LGSN: variants seen among roughly 807,000 people sequenced by gnomAD.
LGSN encodes the protein lengsin, lens protein with glutamine synthetase domain.
In LGSN, 21 loss-of-function variants were observed where a neutral mutation model predicts 19.5. That is an observed-to-expected ratio of 1.07 (90% confidence interval 0.76 to 1.55). The LOEUF is 1.55. Ranked by LOEUF, LGSN falls within the 40% of genes most tolerant of loss-of-function variation. The pLI is 0.00. For missense variants in LGSN, 673 were observed against 608.5 expected, an observed-to-expected ratio of 1.11 and a Z score of -1.12; for synonymous variants, 257 against 215.6, an observed-to-expected ratio of 1.19 and a Z score of -1.68.
the LGSN span, among the ~76,000 whole-genome samples, chr6:63,429,892 T>C: frequency 6.6e-6 from 1 of 152,292 alleles, no homozygotes; most frequent in South Asian, 2.1e-4. Context: ...GATTGCAATA[T>C]AGTTGCTGTT....
the LGSN span, among the ~76,000 whole-genome samples, chr6:63,470,574 G>A: frequency 5.3e-5 from 8 of 152,006 alleles, no homozygotes; most frequent in South Asian, 4.2e-4. Context: ...AAAAATTAAT[G>A]TGTAATGATT....
At chr6:63,453,739 C>T in the LGSN span, among the ~76,000 whole-genome samples, 3 of 152,022 alleles carry the variant, frequency 2.0e-5, no homozygotes, top group South Asian at 4.1e-4. Context: ...CTGCAAGCTC[C>T]GCCTCCCGGG....
chr6:63,280,042 T>A lies in LGSN; in HGVS notation c.1509A>T (p.Lys503Asn). 1 of 1,606,642 alleles carries A rather than the reference T, an allele frequency of 6.2e-7. No individual in the cohort carries two copies. The highest frequency in any genetic ancestry group is 8.5e-7 in the Non-Finnish European group (1 of 1,176,746). The change falls in exon 4 of 4, where the codon AAA becomes AAT. Residue 503 changes from lysine to asparagine, a missense_variant. Physicochemically the swap from Lys to Asn is moderately conservative, Grantham distance 94 (BLOSUM62 0). Coordinates refer to ENST00000370657, the MANE Select transcript of LGSN (RefSeq NM_016571.3). ...TATTCTAAATAAAATACTCTAAGAA[T>A]TTATTTCTCTCTGCAGCTATTTCTT... Reference protein sequence around the residue: ...ENEEIAAERNKFLEYFI With the variant: ...ENEEIAAERNNFLEYFI
rs1767165007 is a variant in LGSN, at chr6:63,278,441, C to T, written c.*1580G>A. The T allele has an allele frequency of 6.6e-6, 1 of 151,924 alleles. No individual in the cohort carries two copies. Among genetic ancestry groups the T allele is most frequent in the Admixed American group, 6.6e-5 (1 of 15,224 alleles). The allele number at this position is 151,924 out of a possible 1,614,324, so 9.4% of individuals were successfully genotyped here. ...TCTTTCTCTCTACCCCATATGCATC[C>T]ATGAATTTTATTCTTCTCTTTTTTT... On this transcript the variant is annotated 3_prime_UTR_variant, in exon 4 of 4. Coordinates refer to ENST00000370657, the MANE Select transcript of LGSN (RefSeq NM_016571.3).
At chr6:63,313,945 A>C (rs541605328) in intron 1 of LGSN, among the ~76,000 whole-genome samples, 2 of 152,262 alleles carry the variant, frequency 1.3e-5, no homozygotes, top group South Asian at 4.2e-4. Context: ...AAGGAAACAA[A>C]AAAGGAGATG....
intron 1 of LGSN, 110 bp from the exon 2 acceptor site, chr6:63,295,155 A>G: frequency 1.0e-6 from 1 of 975,206 alleles, no homozygotes. Flanking sequence ...AGCATAGAAG[A>G]CTTTTATAAT....
chr6:63,330,840 G>A, the LGSN span, among the ~76,000 whole-genome samples: 451 of 152,290 alleles, frequency 3.0e-3, 3 homozygotes, highest in African/African-American at 0.01. Context: ...AGCTAAAGCT[G>A]CATTCTTTTC....
chr6:63,531,500 A>G, the LGSN span, among the ~76,000 whole-genome samples: 2 of 150,620 alleles, frequency 1.3e-5, no homozygotes, highest in African/African-American at 4.9e-5. Context: ...TTCCTGACCC[A>G]TATCTATTAT....
chr6:63,501,578 T>C, the LGSN span, among the ~76,000 whole-genome samples: 1 of 152,140 alleles, frequency 6.6e-6, no homozygotes, highest in African/African-American at 2.4e-5. Flanking sequence ...AACCAGCTGC[T>C]GTCTAATGTG....
At chr6:63,366,578 T>A in the LGSN span, among the ~76,000 whole-genome samples, 4 of 151,722 alleles carry the variant, frequency 2.6e-5, no homozygotes, top group Non-Finnish European at 5.9e-5. Flanking sequence ...TCACAGAATT[T>A]GAAAAAACTA....
chr6:63,365,264 G>C, the LGSN span, among the ~76,000 whole-genome samples: 2 of 152,062 alleles, frequency 1.3e-5, no homozygotes, highest in African/African-American at 4.8e-5. Context: ...TATCACCATC[G>C]ATCCCACAGA....
chr6:63,454,241 T>C, the LGSN span, among the ~76,000 whole-genome samples: 1 of 152,194 alleles, frequency 6.6e-6, no homozygotes, highest in African/African-American at 2.4e-5. Flanking sequence ...GTAAGGCTAT[T>C]AGCATTTTGC....
At chr6:63,547,562 G>A in the LGSN span, among the ~76,000 whole-genome samples, 13 of 135,940 alleles carry the variant, frequency 9.6e-5, no homozygotes, top group African/African-American at 3.6e-4. Flanking sequence ...CTGGAGTGCA[G>A]TGGTACGATC....
chr6:63,506,424 C>T, the LGSN span, among the ~76,000 whole-genome samples: 4 of 151,994 alleles, frequency 2.6e-5, no homozygotes, highest in Admixed American at 6.6e-5. Context: ...CCACCACGCC[C>T]GGCTAATTTT....
At chr6:63,542,238 T>C in the LGSN span, among the ~76,000 whole-genome samples, 1 of 151,770 alleles carries the variant, frequency 6.6e-6, no homozygotes, top group African/African-American at 2.4e-5. Context: ...TGCAAAGGCA[T>C]AGGAATGACA....
chr6:63,459,018 G>C, the LGSN span, among the ~76,000 whole-genome samples: 1 of 152,186 alleles, frequency 6.6e-6, no homozygotes, highest in Non-Finnish European at 1.5e-5. Context: ...TCAGCAAGTT[G>C]CTCTCAGACT....
the LGSN span, among the ~76,000 whole-genome samples, chr6:63,508,584 G>C: frequency 4.1e-4 from 62 of 152,048 alleles, no homozygotes; most frequent in Admixed American, 1.4e-3. Context: ...AAGTCATTAG[G>C]GTAATTCACT....
the LGSN span, among the ~76,000 whole-genome samples, chr6:63,398,050 G>A: frequency 1.7e-4 from 26 of 152,020 alleles, no homozygotes; most frequent in African/African-American, 6.0e-4. Flanking sequence ...TGTTTGTAGG[G>A]ATACTGGTGT....
the LGSN span, among the ~76,000 whole-genome samples, chr6:63,477,687 CTTTTTTTTTTTTTT>C: frequency 3.3e-5 from 2 of 61,026 alleles, no homozygotes; most frequent in African/African-American, 1.2e-4. Flanking sequence ...TTCTTTTTTT[CTTTTTTTTTTTTTT>C]TTTTTTTTTT....
Sources: allele counts gnomAD v4.1 joint callset (sites outside exome capture counted in the v4.1 genomes callset), GRCh38; gene constraint gnomAD v4.1.1; transcripts MANE v1.5; gene names NCBI Gene and HGNC (gene_info 2026-07-23, HGNC 2026-07-21).